The following NR6A1 variants were observed in gnomAD, a reference collection of about 807,000 sequenced individuals.
The protein encoded by NR6A1 is retinoic acid receptor-related testis-associated receptor.
Under a neutral mutation model 59.1 loss-of-function variants are expected in NR6A1, and 7 were observed. The ratio of observed to expected loss-of-function variants is 0.12; its 90% CI spans 0.07 to 0.22. NR6A1 has a LOEUF of 0.22. Ranked by LOEUF, NR6A1 falls within the 10% of genes least tolerant of loss-of-function variation. NR6A1 has a pLI of 1.00. For synonymous variants in NR6A1, 243 were observed against 236.1 expected, an observed-to-expected ratio of 1.03 and a Z score of -0.27; for missense variants, 468 against 611.6, an observed-to-expected ratio of 0.77 and a Z score of 2.48.
chr9:124,643,623 T>TGTGGTGG (rs1472318663), intron 2 of NR6A1, among the ~76,000 whole-genome samples: 1 of 145,464 alleles, frequency 6.9e-6, no homozygotes, highest in Non-Finnish European at 1.5e-5. Flanking sequence ...AAAAGCCAGG[T>TGTGGTGG]GTGGTGGTAC....
intron 2 of NR6A1, among the ~76,000 whole-genome samples, chr9:124,634,106 T>G (rs373989703): frequency 2.0e-4 from 30 of 152,322 alleles, no homozygotes; most frequent in African/African-American, 7.0e-4. Context: ...TCATGATAAA[T>G]AATTATATAG....
chr9:124,695,039 G>A (rs1049237315), intron 2 of NR6A1, among the ~76,000 whole-genome samples: 14 of 152,182 alleles, frequency 9.2e-5, no homozygotes, highest in Admixed American at 5.9e-4. Flanking sequence ...CTGGAAGCTG[G>A]AAGCAAAGTA....
At chr9:124,570,463 A>T (rs1834408097) in intron 2 of NR6A1, among the ~76,000 whole-genome samples, 1 of 152,246 alleles carries the variant, frequency 6.6e-6, no homozygotes, top group Non-Finnish European at 1.5e-5. Context: ...CTAGAAACAA[A>T]CTACAATGAA....
intron 3 of NR6A1, among the ~76,000 whole-genome samples, chr9:124,546,555 G>A (rs1833607360): frequency 6.6e-6 from 1 of 152,160 alleles, no homozygotes; most frequent in African/African-American, 2.4e-5. Context: ...TCTTACTACT[G>A]TTGCAAATTT....
intron 2 of NR6A1, among the ~76,000 whole-genome samples, chr9:124,695,977 A>G (rs1400372480): frequency 6.6e-6 from 1 of 152,174 alleles, no homozygotes; most frequent in Non-Finnish European, 1.5e-5. Context: ...AAGAAGGGAG[A>G]CAATTATGTA....
intron 2 of NR6A1, among the ~76,000 whole-genome samples, chr9:124,583,942 C>G (rs1564189785): frequency 6.6e-6 from 1 of 152,196 alleles, no homozygotes; most frequent in African/African-American, 2.4e-5. Flanking sequence ...CTATTTCCCT[C>G]TGCTAGACTT....
chr9:124,558,164 A>G (rs1833981332), intron 2 of NR6A1, among the ~76,000 whole-genome samples: 1 of 152,228 alleles, frequency 6.6e-6, no homozygotes, highest in African/African-American at 2.4e-5. Flanking sequence ...TCTGTGCAGC[A>G]TCTGGAGCCA....
At chr9:124,692,439 T>C in intron 2 of NR6A1, 1 of 527,898 alleles carries the variant, frequency 1.9e-6, no homozygotes, top group Non-Finnish European at 3.9e-6. Context: ...GATGGGAGAA[T>C]GAAGAAGGGC....
chr9:124,564,622 G>C (rs919166950), intron 2 of NR6A1, among the ~76,000 whole-genome samples: 1 of 152,088 alleles, frequency 6.6e-6, no homozygotes, highest in African/African-American at 2.4e-5. Context: ...TCATGGATTG[G>C]AAGAGTCATT....
chr9:124,550,603 C>T (rs1262202636), intron 3 of NR6A1, among the ~76,000 whole-genome samples: 1 of 151,940 alleles, frequency 6.6e-6, no homozygotes, highest in Non-Finnish European at 1.5e-5. Context: ...AGCAATCCAC[C>T]TGCTCCGGCC....
Position 124,715,178 on chromosome 9 carries a change from C to CA in NR6A1, c.142+18129dup, listed in dbSNP as rs1297987552. The stretch of plus-strand genomic sequence containing the variant: ...ATGCCACTGCATTCCAGCCTGGTGA[C>CA]AGAGTGAGTGAGACTTCGTCTCAGA... On this transcript the variant is annotated intron_variant, in intron 2 of 9. Coordinates refer to ENST00000487099, the MANE Select transcript of NR6A1 (RefSeq NM_033334.4). 2.0e-5 allele frequency among the ~76,000 whole-genome samples: 3 copies of CA among 147,492 alleles called. No homozygotes were observed. The East Asian group carries it at 6.0e-4, about 29-fold the overall frequency.
chr9:124,630,677 T>TTTC (rs1554736901), intron 2 of NR6A1, among the ~76,000 whole-genome samples: 1 of 134,008 alleles, frequency 7.5e-6, no homozygotes, highest in African/African-American at 3.0e-5. Context: ...TTTCTTTTTT[T>TTTC]TTTTTTTTTT....
At chr9:124,756,966 A>AAC (rs1396799478) in intron 1 of NR6A1, among the ~76,000 whole-genome samples, 4 of 151,730 alleles carry the variant, frequency 2.6e-5, no homozygotes, top group Admixed American at 2.0e-4. Context: ...GGTGCAGGGC[A>AAC]ACATTCTAGT....
intron 3 of NR6A1, among the ~76,000 whole-genome samples, chr9:124,553,451 T>C (rs1833833171): frequency 6.6e-6 from 1 of 152,060 alleles, no homozygotes; most frequent in Non-Finnish European, 1.5e-5. Context: ...TTCTCAGGTA[T>C]CTCAAACTCA....
At chr9:124,595,187 A>G (rs1399886594) in intron 2 of NR6A1, among the ~76,000 whole-genome samples, 1 of 152,200 alleles carries the variant, frequency 6.6e-6, no homozygotes, top group Admixed American at 6.5e-5. Context: ...ACATACACAC[A>G]CATGCAGAAA....
intron 2 of NR6A1, among the ~76,000 whole-genome samples, chr9:124,584,426 T>C (rs1436092759): frequency 6.6e-6 from 1 of 152,036 alleles, no homozygotes; most frequent in Non-Finnish European, 1.5e-5. Flanking sequence ...TTTTTACAAA[T>C]TGAAGGTTTG....
At chr9:124,696,377 T>TCCCC (rs1322854713) in intron 2 of NR6A1, among the ~76,000 whole-genome samples, 1 of 152,170 alleles carries the variant, frequency 6.6e-6, no homozygotes, top group African/African-American at 2.4e-5. Flanking sequence ...TTGGCTTTTG[T>TCCCC]TTTTCAAAAT....
chr9:124,719,794 C>A (rs930347296), intron 2 of NR6A1, among the ~76,000 whole-genome samples: 1 of 151,980 alleles, frequency 6.6e-6, no homozygotes, highest in Non-Finnish European at 1.5e-5. Flanking sequence ...GTAATGCGCG[C>A]CTATAGTCCC....
chr9:124,628,380 C>T (rs1403165232), intron 2 of NR6A1, among the ~76,000 whole-genome samples: 1 of 151,990 alleles, frequency 6.6e-6, no homozygotes, highest in African/African-American at 2.4e-5. Context: ...AGTCTTGCTC[C>T]GTCACCAGGC....
Sources: gnomAD v4.1 joint callset for allele counts (sites outside exome capture counted in the v4.1 genomes callset) on GRCh38, gnomAD v4.1.1 for gene constraint, MANE v1.5 for transcripts, NCBI Gene and HGNC (gene_info 2026-07-23, HGNC 2026-07-21) for gene names.